Variants in METAP1D observed in about 807,000 individuals in gnomAD.
The protein encoded by METAP1D is methionine aminopeptidase 1D, mitochondrial.
In METAP1D, 31 loss-of-function variants were observed where a neutral mutation model predicts 40.5. The observed-to-expected ratio is 0.77, with a 90% CI of 0.58 to 1.03. The LOEUF is 1.03. METAP1D is among the 50% of genes least tolerant of loss of function. METAP1D has a pLI of 0.00. For synonymous variants in METAP1D, 151 were observed against 146.4 expected, an observed-to-expected ratio of 1.03 and a Z score of -0.22; for missense variants, 411 against 420.7, an observed-to-expected ratio of 0.98 and a Z score of 0.20.
At chr2:172,065,184 C>A (rs529320756) in intron 3 of METAP1D, among the ~76,000 whole-genome samples, 1 of 152,308 alleles carries the variant, frequency 6.6e-6, no homozygotes, top group Admixed American at 6.5e-5. Flanking sequence ...AGTTGACCTA[C>A]TTTTCAAGCT....
At chr2:172,072,357 G>A (rs1690441948) in intron 6 of METAP1D, 1 of 167,236 alleles carries the variant, frequency 6.0e-6, no homozygotes, top group South Asian at 2.1e-4. Context: ...TCAGTAGAAG[G>A]GGGCAGAGAA....
Position 172,080,764 on chromosome 2 carries a change from C to A in METAP1D, c.*358C>A. 2.6e-6 allele frequency: 1 copy of A among 391,208 alleles called. No homozygotes were observed. Among genetic ancestry groups the A allele is most frequent in the Non-Finnish European group, 4.7e-6 (1 of 212,100 alleles). The allele number at this position is 391,208 out of a possible 1,614,324, so 24.2% of individuals were successfully genotyped here. A position where few individuals can be genotyped will look rare whatever the true frequency, so the allele number is the denominator to read the frequency against. On this transcript the variant is annotated 3_prime_UTR_variant, in exon 10 of 10. Coordinates refer to ENST00000315796, the MANE Select transcript of METAP1D (RefSeq NM_199227.3). ...GTTGGAGTAAAAAACCTCTTAAATC[C>A]ATTGTATCAGAGGTCCTTACCTCTC...
At chr2:172,035,313 G>A (rs369732614) in intron 1 of METAP1D, among the ~76,000 whole-genome samples, 3 of 151,446 alleles carry the variant, frequency 2.0e-5, no homozygotes, top group African/African-American at 7.3e-5. Context: ...TGCAGGCGCC[G>A]GCCACCACGC....
chr2:172,036,910 A>G (rs750070619), intron 1 of METAP1D, among the ~76,000 whole-genome samples: 1 of 152,184 alleles, frequency 6.6e-6, no homozygotes, highest in African/African-American at 2.4e-5. Context: ...TATTAGTAAA[A>G]CAACATAGAT....
chr2:172,052,151 C>G (rs1689898340), intron 1 of METAP1D, among the ~76,000 whole-genome samples: 1 of 152,210 alleles, frequency 6.6e-6, no homozygotes, highest in South Asian at 2.1e-4. Flanking sequence ...CACCTGCATA[C>G]CAACTGGGCC....
intron 5 of METAP1D, among the ~76,000 whole-genome samples, chr2:172,069,510 C>T (rs1282886119): frequency 1.3e-5 from 2 of 152,156 alleles, no homozygotes; most frequent in African/African-American, 4.8e-5. Flanking sequence ...ATACTCTATT[C>T]CTTTTCTAAG....
Position 172,061,498 on chromosome 2 carries a change from G to T in METAP1D, c.41G>T (p.Gly14Val), listed in dbSNP as rs10497377. Residue 14 changes from glycine (G) to valine (V), a missense_variant and splice_region_variant, in exon 2 of 10, where the codon GGT (glycine) becomes GTT (valine). Transcript: ENST00000315796. ...PSGVHLLVRR[G>V]SHRIFSSPLN... ...AAAATATGTCTGTTTCTGCTCACAG[G>T]TTCTCATAGAATTTTCTCTTCACCA... is the stretch of plus-strand genomic sequence containing the variant. 41,269 of 1,608,686 alleles carry T rather than the reference G, an allele frequency of 0.026. 5,342 individuals carry two copies. The East Asian group carries it at 0.46, about 18-fold the overall frequency.
chr2:172,069,438 A>T lies in METAP1D; in HGVS notation c.541-1469A>T, dbSNP rs1690369979. The stretch of plus-strand genomic sequence containing the variant: ...TTGAATGAAATATAAGAATATAAAA[A>T]TTTGAATTTTTGAACGAAATCAGCA... On this transcript the variant is annotated intron_variant, in intron 5 of 9. Transcript: ENST00000315796. 2.0e-5 allele frequency among the ~76,000 whole-genome samples: 3 copies of T among 152,324 alleles called. No homozygotes were observed. The South Asian group carries it at 6.2e-4, about 32-fold the overall frequency.
chr2:172,038,042 C>T (rs1375607810), intron 1 of METAP1D, among the ~76,000 whole-genome samples: 2 of 152,118 alleles, frequency 1.3e-5, no homozygotes, highest in Non-Finnish European at 2.9e-5. Flanking sequence ...TCTTCTGCCA[C>T]TTAGGGTTTG....
chr2:172,069,975 T>C (rs953011520), intron 5 of METAP1D, among the ~76,000 whole-genome samples: 2 of 152,216 alleles, frequency 1.3e-5, no homozygotes, highest in Non-Finnish European at 2.9e-5. Context: ...ATCTTTTTTA[T>C]AACAGTTTCT....
At chr2:172,035,147 G>T (rs1337614579) in intron 1 of METAP1D, among the ~76,000 whole-genome samples, 2 of 147,754 alleles carry the variant, frequency 1.4e-5, no homozygotes, top group Non-Finnish European at 3.0e-5. Context: ...ACTGTACTGT[G>T]TTTTTTTTTT....
intron 1 of METAP1D, among the ~76,000 whole-genome samples, chr2:172,016,275 CAA>C (rs1172458646): frequency 2.7e-3 from 26 of 9,712 alleles, no homozygotes; most frequent in Non-Finnish European, 3.2e-3. Flanking sequence ...GACCCTGTCT[CAA>C]AAAAAAAAAA....
intron 5 of METAP1D, among the ~76,000 whole-genome samples, chr2:172,067,340 A>G (rs546220091): frequency 6.6e-6 from 1 of 152,224 alleles, no homozygotes; most frequent in Non-Finnish European, 1.5e-5. Flanking sequence ...CCAATGGTGG[A>G]ATTCAGTCTG....
rs1048095413 is a variant in METAP1D, at chr2:172,071,190, A to G, written c.704+120A>G. 61 of 848,810 alleles carry G rather than the reference A, an allele frequency of 7.2e-5. No individual in the cohort carries two copies. The African/African-American group carries it at 1.0e-3, about 15-fold the overall frequency. The allele number at this position is 848,810 out of a possible 1,614,324, so 52.6% of individuals were successfully genotyped here. A position where few individuals can be genotyped will look rare whatever the true frequency, so the allele number is the denominator to read the frequency against. ...AGAACCATCATTTCAGTCTGATATC[A>G]GTATGTGAACTGCCAGGCTGCAATA... On this transcript the variant is annotated intron_variant, in intron 6 of 9. Transcript: ENST00000315796.
intron 1 of METAP1D, among the ~76,000 whole-genome samples, chr2:172,007,578 G>A (rs1008837374): frequency 1.3e-5 from 2 of 152,068 alleles, no homozygotes; most frequent in Non-Finnish European, 2.9e-5. Context: ...AAGGTTCATG[G>A]TCCTGCATTG....
chr2:172,065,791 T>G, intron 4 of METAP1D, 39 bp downstream of exon 4: 2 of 1,591,948 alleles, frequency 1.3e-6, no homozygotes, highest in Non-Finnish European at 1.7e-6. Flanking sequence ...CTTTGGAAAC[T>G]AAAACATGAA....
rs1247800622 is a variant in METAP1D, at chr2:172,064,655, A to C, written c.348+795A>C. 2.0e-5 allele frequency among the ~76,000 whole-genome samples: 3 copies of C among 151,792 alleles called. No homozygotes were observed. The East Asian group carries it at 5.8e-4, about 29-fold the overall frequency. ...AAAAAAAGATTTAGTTCTTTCATTT[A>C]GTTCTTTCATAATAATCTGAAGCAC... On this transcript the variant is annotated intron_variant, in intron 3 of 9. Transcript: ENST00000315796.
Position 172,013,967 on chromosome 2 carries a change from C to T in METAP1D, c.40+13958C>T, listed in dbSNP as rs984964887. Among the ~76,000 whole-genome samples the T allele has an allele frequency of 7.5e-4, 113 of 150,332 alleles. 2 individuals are homozygous for T. Among genetic ancestry groups the T allele is most frequent in the Non-Finnish European group, 4.4e-5 (3 of 67,798 alleles). ...TCCCGAGTAGCTGGGACTGCAGGTG[C>T]GCACCACCATGCCCAGCTAATTTTT... On this transcript the variant is annotated intron_variant, in intron 1 of 9. Transcript: ENST00000315796.
chr2:172,012,819 C>T (rs1195168922), intron 1 of METAP1D, among the ~76,000 whole-genome samples: 1 of 152,130 alleles, frequency 6.6e-6, no homozygotes, highest in Admixed American at 6.6e-5. Context: ...TCATTCCTGA[C>T]CTTGATCTCA....
Sources: gnomAD v4.1 joint callset for allele counts (sites outside exome capture counted in the v4.1 genomes callset) on GRCh38, gnomAD v4.1.1 for gene constraint, MANE v1.5 for transcripts, NCBI Gene and HGNC (gene_info 2026-07-23, HGNC 2026-07-21) for gene names.